TRIM2: variants seen among roughly 807,000 people sequenced by gnomAD.
TRIM2 encodes tripartite motif containing 2, also known as tripartite motif-containing protein 2.
Under a neutral mutation model 75.2 loss-of-function variants are expected in TRIM2, and 20 were observed. The ratio of observed to expected loss-of-function variants is 0.27; its 90% CI spans 0.19 to 0.39. The LOEUF is 0.39. Ranked by LOEUF, TRIM2 falls within the 10% of genes least tolerant of loss-of-function variation. TRIM2 has a pLI of 1.00. For missense variants in TRIM2, 660 were observed against 990.8 expected (o/e 0.67, Z 4.48); for synonymous variants, 373 against 388.3 (o/e 0.96, Z 0.46).
chr4:153,234,102 A>G (rs564344777), intron 1 of TRIM2, among the ~76,000 whole-genome samples: 3 of 152,342 alleles, frequency 2.0e-5, no homozygotes, highest in Admixed American at 6.5e-5. Flanking sequence ...TTCAATCCCC[A>G]TAAATACTCC....
intron 3 of TRIM2, among the ~76,000 whole-genome samples, chr4:153,288,063 GTTTAT>G (rs1401066887): frequency 6.6e-6 from 1 of 151,730 alleles, no homozygotes; most frequent in African/African-American, 2.4e-5. Context: ...TAGTTGTCAG[GTTTAT>G]TTTTTTTTCA....
At chr4:153,302,725 C>A (rs905565979) in intron 6 of TRIM2, among the ~76,000 whole-genome samples, 4 of 152,232 alleles carry the variant, frequency 2.6e-5, no homozygotes, top group Non-Finnish European at 5.9e-5. Flanking sequence ...CTCTCACACA[C>A]CTTTGTGCAT....
chr4:153,152,348 G>T (rs1300374034), upstream of TRIM2: 2 of 151,554 alleles, frequency 1.3e-5, no homozygotes, highest in East Asian at 3.9e-4. Flanking sequence ...GGGGCCTGGG[G>T]CGTGGTCGCC....
At chr4:153,219,549 A>G (rs1001875417) in intron 1 of TRIM2, among the ~76,000 whole-genome samples, 3 of 152,168 alleles carry the variant, frequency 2.0e-5, no homozygotes, top group Admixed American at 1.3e-4. Flanking sequence ...GTTTAAAATC[A>G]AGGACTGCAT....
intron 3 of TRIM2, among the ~76,000 whole-genome samples, chr4:153,281,932 T>A (rs1414128782): frequency 6.6e-6 from 1 of 152,204 alleles, no homozygotes; most frequent in Non-Finnish European, 1.5e-5. Context: ...GAGGTCCTCA[T>A]TAAGACTGCC....
chr4:153,250,538 A>G (rs1232424081), intron 1 of TRIM2, among the ~76,000 whole-genome samples: 1 of 152,230 alleles, frequency 6.6e-6, no homozygotes, highest in African/African-American at 2.4e-5. Flanking sequence ...TTCCATAAGA[A>G]TAAATGATAC....
intron 1 of TRIM2, among the ~76,000 whole-genome samples, chr4:153,238,987 G>A (rs1215421734): frequency 6.6e-6 from 1 of 152,170 alleles, no homozygotes; most frequent in Non-Finnish European, 1.5e-5. Context: ...AAGGTGATTA[G>A]GGTTAGATAA....
chr4:153,301,421 A>T (rs1381541604), intron 6 of TRIM2, among the ~76,000 whole-genome samples: 1 of 152,116 alleles, frequency 6.6e-6, no homozygotes, highest in Non-Finnish European at 1.5e-5. Flanking sequence ...TCTTATCAAG[A>T]TGTAATATTC....
chr4:153,264,549 A>G (rs1342816988), intron 1 of TRIM2, among the ~76,000 whole-genome samples: 1 of 152,232 alleles, frequency 6.6e-6, no homozygotes, highest in Admixed American at 6.5e-5. Context: ...AGAAAACAAG[A>G]TGGGGAAAGG....
At chr4:153,235,246 G>A (rs1436386981) in intron 1 of TRIM2, among the ~76,000 whole-genome samples, 1 of 151,844 alleles carries the variant, frequency 6.6e-6, no homozygotes, top group Non-Finnish European at 1.5e-5. Flanking sequence ...TTGTTCCTCT[G>A]TAAAATGGGA....
rs147823754 is a variant in TRIM2, at chr4:153,154,109, A to G, written c.-49+839A>G. Among the ~76,000 whole-genome samples, 1,417 of 152,246 alleles carry G rather than the reference A, an allele frequency of 9.3e-3. 19 individuals are homozygous for G. The highest frequency in any genetic ancestry group is 0.033 in the African/African-American group (1,352 of 41,510). ...GGGTGTGTGTCTCTGTCGTTTACAC[A>G]TTTCTTAAAGAAACTCGGCCCTTCC... On this transcript the variant is annotated intron_variant, in intron 1 of 11. Coordinates refer to the TRIM2 transcript ENST00000437508.
At chr4:153,258,755 T>C (rs541884994) in intron 1 of TRIM2, among the ~76,000 whole-genome samples, 1 of 152,352 alleles carries the variant, frequency 6.6e-6, no homozygotes, top group South Asian at 2.1e-4. Context: ...GGTTTTAAAC[T>C]CCAGTTTATA....
At position 153,206,932 on chromosome 4, in the gene TRIM2, G is replaced by C. The variant is rs773166329; in HGVS notation, c.30+2372G>C. Among the ~76,000 whole-genome samples, 39 of 152,036 alleles carry C rather than the reference G, an allele frequency of 2.6e-4. 1 individual carries two copies. Among genetic ancestry groups the C allele is most frequent in the South Asian group, 1.2e-3 (6 of 4,804 alleles). ...GTCTTGCTCCGTCACCCAGGCTGGA[G>C]TGCAGTGGCATGATCATGGCTCACT... On this transcript the variant is annotated intron_variant, in intron 1 of 11. Transcript: ENST00000338700.
At chr4:153,206,096 A>G (rs1267385954) in intron 1 of TRIM2, among the ~76,000 whole-genome samples, 4 of 152,228 alleles carry the variant, frequency 2.6e-5, no homozygotes, top group Admixed American at 6.5e-5. Flanking sequence ...CCATTTGGTC[A>G]GGTCAATGCA....
At position 153,262,508 on chromosome 4, in the gene TRIM2, A is replaced by G. The variant is rs185636415; in HGVS notation, c.31-7827A>G. On this transcript the variant is annotated intron_variant, in intron 1 of 11. Coordinates refer to ENST00000338700, the MANE Select transcript of TRIM2 (RefSeq NM_015271.5). ...TTGAACACCAATCTTAGGTTTTACA[A>G]TAGTGATGTTTTTTATTTTTTATTG... 1.7e-3 allele frequency among the ~76,000 whole-genome samples: 259 copies of G among 152,328 alleles called. 2 individuals are homozygous for G. The highest frequency in any genetic ancestry group is 5.1e-4 in the Non-Finnish European group (35 of 68,034).
At chr4:153,260,724 A>ACACACACACAT (rs528342465) in intron 1 of TRIM2, among the ~76,000 whole-genome samples, 151 of 112,650 alleles carry the variant, frequency 1.3e-3, no homozygotes, top group African/African-American at 3.2e-3. Flanking sequence ...ACACACACAC[A>ACACACACACAT]CATCATCATC....
At chr4:153,213,353 A>G (rs1051256584) in intron 1 of TRIM2, among the ~76,000 whole-genome samples, 3 of 152,110 alleles carry the variant, frequency 2.0e-5, no homozygotes, top group African/African-American at 7.2e-5. Flanking sequence ...TGTTCATTTA[A>G]CTTGTTTCAA....
chr4:153,175,302 G>A (rs1731308478), intron 1 of TRIM2, among the ~76,000 whole-genome samples: 1 of 152,062 alleles, frequency 6.6e-6, no homozygotes, highest in South Asian at 2.1e-4. Context: ...TTACAGGCCT[G>A]AGCCACCGAG....
intron 1 of TRIM2, among the ~76,000 whole-genome samples, chr4:153,243,822 C>G (rs1229402992): frequency 1.6e-5 from 2 of 125,606 alleles, no homozygotes; most frequent in South Asian, 6.2e-4. Context: ...TTTTTTTCCC[C>G]CCCCCCTTGA....
Sources: gnomAD v4.1 joint callset for allele counts (sites outside exome capture counted in the v4.1 genomes callset) on GRCh38, gnomAD v4.1.1 for gene constraint, MANE v1.5 for transcripts, NCBI Gene and HGNC (gene_info 2026-07-23, HGNC 2026-07-21) for gene names.